Variants in CHRD observed in about 807,000 individuals in gnomAD.
The protein encoded by CHRD is chordin.
In CHRD, 69 loss-of-function variants were observed where a neutral mutation model predicts 113.7. The ratio of observed to expected loss-of-function variants is 0.61; its 90% CI spans 0.50 to 0.74. The LOEUF (loss-of-function observed/expected upper bound fraction) is 0.74. CHRD is among the 30% of genes least tolerant of loss of function. The probability of loss-of-function intolerance (pLI) is 0.00; values close to 1 mark genes in which losing one functional copy is unlikely to be tolerated. For missense variants in CHRD, 1,194 were observed against 1,295.8 expected (o/e 0.92, Z 1.21); for synonymous variants, 561 against 540.8 (o/e 1.04, Z -0.52).
chr3:184,386,811 A>C, intron 16 of CHRD, 34 bp from the exon 17 acceptor site: 1 of 1,613,878 alleles, frequency 6.2e-7, no homozygotes, highest in South Asian at 1.1e-5. Context: ...AGGGGCCTGG[A>C]CACTCCCGTC....
chr3:184,389,618 C>T (rs1716901702), exon 23 of CHRD: 2 of 579,016 alleles, frequency 3.5e-6, no homozygotes, highest in Non-Finnish European at 6.2e-6. Flanking sequence ...ACCGAGGTCA[C>T]AGCCACTCCA....
Position 184,380,586 on chromosome 3 carries a change from G to A in CHRD, c.149-106G>A. ...GCGGCGGGCGGCCCGGAGGGTGGGC[G>A]GGGGCAGAAGGGCGCGGTGCCTGGG... On this transcript the variant is annotated intron_variant, in intron 1 of 22. Coordinates refer to ENST00000204604, the Ensembl canonical transcript of CHRD. The surrounding 1 kb of genome is among the most constrained non-coding windows in gnomAD (Gnocchi z 6.3). The A allele has an allele frequency of 9.6e-7, 1 of 1,039,622 alleles. No individual in the cohort carries two copies. Among genetic ancestry groups the A allele is most frequent in the Non-Finnish European group, 1.2e-6 (1 of 823,710 alleles). 64.4% of individuals were successfully genotyped at this position (1,039,622 alleles called of 1,614,324 possible). A position where few individuals can be genotyped will look rare whatever the true frequency, so the allele number is the denominator to read the frequency against.
At position 184,381,443 on chromosome 3, in the gene CHRD, C is replaced by T. The variant is rs1329661767; in HGVS notation, c.383-53C>T. On this transcript the variant is annotated intron_variant, in intron 3 of 22. Coordinates refer to ENST00000204604, the Ensembl canonical transcript of CHRD. This position sits in a 1 kb window ranked among gnomAD's most constrained non-coding sequence, Gnocchi z 4.7. ...CGGGCCACTTGGATGGGGCGTCGGA[C>T]TGGCCTTTCCCATGGCCAGCTGAAG... The T allele has an allele frequency of 8.8e-6, 14 of 1,595,134 alleles. No homozygotes were observed. Among genetic ancestry groups the T allele is most frequent in the Non-Finnish European group, 1.2e-5 (14 of 1,171,058 alleles).
chr3:184,389,885 A>G (rs945522457), downstream of CHRD: 6 of 160,564 alleles, frequency 3.7e-5, no homozygotes, highest in Non-Finnish European at 5.5e-5. Context: ...CCTGGTGGAG[A>G]AGGGGCAGAG....
In CHRD at chr3:184,380,912, A is replaced by G. The variant is rs551966180; in HGVS notation, c.252+117A>G. The G allele has an allele frequency of 9.6e-6, 8 of 832,584 alleles. 1 individual carries two copies. Among genetic ancestry groups the G allele is most frequent in the African/African-American group, 6.7e-5 (4 of 59,544 alleles). 51.6% of individuals were successfully genotyped at this position (832,584 alleles called of 1,614,324 possible). A position where few individuals can be genotyped will look rare whatever the true frequency, so the allele number is the denominator to read the frequency against. ...AGCCCAGTCGGCAGATGTTGGGGAT[A>G]TTTTTCTGGTGGAGGAAGGGGAATC... On this transcript the variant is annotated intron_variant, in intron 2 of 22. Transcript: ENST00000204604. This position sits in a 1 kb window ranked among gnomAD's most constrained non-coding sequence, Gnocchi z 6.3.
rs567606357 is a variant in CHRD at position 184,381,420 on chromosome 3, G to A, written c.382+56G>A. 21 of 1,599,124 alleles carry A rather than the reference G, an allele frequency of 1.3e-5. No homozygotes were observed. The South Asian group carries it at 2.3e-4, about 18-fold the overall frequency. ...GGCAGGGCCACGATACTAGGTCCCG[G>A]GCCACTTGGATGGGGCGTCGGACTG... is the stretch of plus-strand genomic sequence containing the variant. On this transcript the variant is annotated intron_variant, in intron 3 of 22. Transcript: ENST00000204604. The surrounding 1 kb of genome is among the most constrained non-coding windows in gnomAD (Gnocchi z 4.7).
chr3:184,389,722 T>C (rs531542873), exon 23 of CHRD: 5 of 357,510 alleles, frequency 1.4e-5, no homozygotes, highest in African/African-American at 6.1e-5. Context: ...TTTTAATTTA[T>C]CTTCACTCAG....
rs1715964715 is a variant in CHRD at position 184,384,434 on chromosome 3, T to G, written c.1441-103T>G. On this transcript the variant is annotated intron_variant, in intron 12 of 22. Transcript: ENST00000204604. This position sits in a 1 kb window ranked among gnomAD's most constrained non-coding sequence, Gnocchi z 4.4. Reference sequence around the variant, plus strand: ...AGGTCCTTATCCTGTGTTTCTGGTGTGTGGAAGTGTGTGTGGGTGGAGTGG... The same window carrying G: ...AGGTCCTTATCCTGTGTTTCTGGTGGGTGGAAGTGTGTGTGGGTGGAGTGG... 2 of 1,280,990 alleles carry G rather than the reference T, an allele frequency of 1.6e-6. No homozygotes were observed. The highest frequency in any genetic ancestry group is 2.0e-6 in the Non-Finnish European group (2 of 991,560). The allele number at this position is 1,280,990 out of a possible 1,614,324, so 79.4% of individuals were successfully genotyped here.
Position 184,380,259 on chromosome 3 carries a change from T to C in CHRD, c.-60T>C, listed in dbSNP as rs1278826093. ...TCCGCCCTCCGCACTCCCGCCTCCCTCCCTCCGCCCGCTCCCGCGCCCTCC... is the reference window on the plus strand; with the variant it reads ...TCCGCCCTCCGCACTCCCGCCTCCCCCCCTCCGCCCGCTCCCGCGCCCTCC... On this transcript the variant is annotated 5_prime_UTR_variant, in exon 1 of 23. Transcript: ENST00000204604. The surrounding 1 kb of genome is among the most constrained non-coding windows in gnomAD (Gnocchi z 6.3). The C allele has an allele frequency of 3.3e-4, 50 of 149,522 alleles. No individual in the cohort carries two copies. The Middle Eastern group carries it at 0.012, about 36-fold the overall frequency. The allele number at this position is 149,522 out of a possible 1,614,324, so 9.3% of individuals were successfully genotyped here.
At position 184,384,460 on chromosome 3, in the gene CHRD, G is replaced by A. The variant is rs1715968811; in HGVS notation, c.1441-77G>A. On this transcript the variant is annotated intron_variant, in intron 12 of 22. Coordinates refer to ENST00000204604, the Ensembl canonical transcript of CHRD. This position sits in a 1 kb window ranked among gnomAD's most constrained non-coding sequence, Gnocchi z 4.4. ...GTGGAAGTGTGTGTGGGTGGAGTGG[G>A]GGCACAAAATGGTCCAAGACTTCAG... The A allele has an allele frequency of 1.5e-6, 2 of 1,365,618 alleles. No individual in the cohort carries two copies. Among genetic ancestry groups the A allele is most frequent in the East Asian group, 2.6e-5 (1 of 37,930 alleles). The allele number at this position is 1,365,618 out of a possible 1,614,324, so 84.6% of individuals were successfully genotyped here.
Position 184,384,054 on chromosome 3 carries a change from C to T in CHRD, c.1440+412C>T, listed in dbSNP as rs758368406. Among the ~76,000 whole-genome samples, 3 of 152,098 alleles carry T rather than the reference C, an allele frequency of 2.0e-5. No homozygotes were observed. The highest frequency in any genetic ancestry group is 2.1e-4 in the South Asian group (1 of 4,828). On this transcript the variant is annotated intron_variant, in intron 12 of 22. Coordinates refer to ENST00000204604, the Ensembl canonical transcript of CHRD. The surrounding 1 kb of genome is among the most constrained non-coding windows in gnomAD (Gnocchi z 4.4). Reference sequence around the variant, plus strand: ...CCTCCCAAAGTGCTGGGATTACAGGCGAGAGCCACCGTGCCCGGCATGATT... The same window carrying T: ...CCTCCCAAAGTGCTGGGATTACAGGTGAGAGCCACCGTGCCCGGCATGATT...
chr3:184,380,883 A>G lies in CHRD; in HGVS notation c.252+88A>G. The G allele has an allele frequency of 9.8e-7, 1 of 1,019,002 alleles. No individual in the cohort carries two copies. The highest frequency in any genetic ancestry group is 1.4e-6 in the Non-Finnish European group (1 of 691,446). 63.1% of individuals were successfully genotyped at this position (1,019,002 alleles called of 1,614,324 possible). Reference sequence around the variant, plus strand: ...TCGGAGTGGACTCGGAGCTGCTGAGAAGGAGCCCAGTCGGCAGATGTTGGG... The same window carrying G: ...TCGGAGTGGACTCGGAGCTGCTGAGGAGGAGCCCAGTCGGCAGATGTTGGG... On this transcript the variant is annotated intron_variant, in intron 2 of 22. Coordinates refer to ENST00000204604, the Ensembl canonical transcript of CHRD. This position sits in a 1 kb window ranked among gnomAD's most constrained non-coding sequence, Gnocchi z 6.3.
chr3:184,380,346 C>G lies in CHRD; in HGVS notation c.28C>G (p.Pro10Ala). The G allele has an allele frequency of 5.9e-6, 8 of 1,358,170 alleles. No individual in the cohort carries two copies. In the South Asian group the frequency reaches 1.2e-4, roughly 20 times the overall value. The allele number at this position is 1,358,170 out of a possible 1,614,324, so 84.1% of individuals were successfully genotyped here. ...GCCGAGCCTCCCGGCCCCGCCGGCCCCGCTGCTGCTCCTCGGGCTGCTGCT... is the reference window on the plus strand; with the variant it reads ...GCCGAGCCTCCCGGCCCCGCCGGCCGCGCTGCTGCTCCTCGGGCTGCTGCT... Residue 10 changes from proline (P) to alanine (A), a missense_variant, in exon 1 of 23, where the codon CCG becomes GCG. Pro to Ala is a conservative substitution (Grantham distance 27, BLOSUM62 -1). Coordinates refer to ENST00000204604, the Ensembl canonical transcript of CHRD. This position sits in a 1 kb window ranked among gnomAD's most constrained non-coding sequence, Gnocchi z 6.3.
In CHRD at chr3:184,388,844, G is replaced by C; in HGVS notation, c.2710-49G>C. The C allele has an allele frequency of 6.2e-7, 1 of 1,605,378 alleles. No individual in the cohort carries two copies. The highest frequency in any genetic ancestry group is 8.5e-7 in the Non-Finnish European group (1 of 1,173,230). Reference sequence around the variant, plus strand: ...CCCTGAAGAAGCTGAAGGTCACTGTGTCCCAGTGCCTCTGGGGGACACTCA... The same window carrying C: ...CCCTGAAGAAGCTGAAGGTCACTGTCTCCCAGTGCCTCTGGGGGACACTCA... On this transcript the variant is annotated intron_variant, in intron 21 of 22. Transcript: ENST00000204604. The surrounding 1 kb of genome is among the most constrained non-coding windows in gnomAD (Gnocchi z 6.1).
At chr3:184,386,590 T>C in exon 16 of CHRD, 1 of 1,596,268 alleles carries the variant, frequency 6.3e-7, no homozygotes, top group Non-Finnish European at 8.5e-7. Flanking sequence ...CAGCCTCTGC[T>C]GCGCCGCCTG....
At position 184,387,179 on chromosome 3, in the gene CHRD, G is replaced by T; in HGVS notation, c.2347+72G>T. On this transcript the variant is annotated intron_variant, in intron 18 of 22. Transcript: ENST00000204604. The surrounding 1 kb of genome is among the most constrained non-coding windows in gnomAD (Gnocchi z 6.1). ...TTAGGTTGAACCAGGAGGGGGACAA[G>T]AAGGGGAGAGTATATAGGGGGTGGC... is the stretch of plus-strand genomic sequence containing the variant. 1 of 1,455,704 alleles carries T rather than the reference G, an allele frequency of 6.9e-7. No homozygotes were observed. Among genetic ancestry groups the T allele is most frequent in the South Asian group, 1.1e-5 (1 of 87,454 alleles). The allele number at this position is 1,455,704 out of a possible 1,614,324, so 90.2% of individuals were successfully genotyped here. A position where few individuals can be genotyped will look rare whatever the true frequency, so the allele number is the denominator to read the frequency against.
In CHRD at chr3:184,387,516, G is replaced by A. The variant is rs1264652031; in HGVS notation, c.2451+39G>A. ...ATCTTCTCTGGTGCCATAACCCAGC[G>A]GGGTCTGCAGAGATGGGGAGGGGCT... On this transcript the variant is annotated intron_variant, in intron 19 of 22. Transcript: ENST00000204604. This position sits in a 1 kb window ranked among gnomAD's most constrained non-coding sequence, Gnocchi z 6.1. 9.1e-6 allele frequency: 14 copies of A among 1,538,998 alleles called. No homozygotes were observed. Among genetic ancestry groups the A allele is most frequent in the South Asian group, 7.5e-5 (6 of 79,544 alleles).
chr3:184,380,454 C>A lies in CHRD; in HGVS notation c.136C>A (p.Arg46=). Reference sequence around the variant, plus strand: ...TTCTGAGAAGGAGCCGCTGCCCGTTCGGGGAGCGGCAGGTAGGTGGGCGCC... The same window carrying A: ...TTCTGAGAAGGAGCCGCTGCCCGTTAGGGGAGCGGCAGGTAGGTGGGCGCC... The change falls in exon 1 of 23, where the codon CGG becomes AGG. Residue 46 remains arginine (R), a synonymous_variant. Coordinates refer to ENST00000204604, the Ensembl canonical transcript of CHRD. The surrounding 1 kb of genome is among the most constrained non-coding windows in gnomAD (Gnocchi z 6.3). 1 of 1,196,696 alleles carries A rather than the reference C, an allele frequency of 8.4e-7. No homozygotes were observed. The highest frequency in any genetic ancestry group is 1.6e-5 in the African/African-American group (1 of 61,214). 74.1% of individuals were successfully genotyped at this position (1,196,696 alleles called of 1,614,324 possible).
At position 184,387,520 on chromosome 3, in the gene CHRD, T is replaced by C. The variant is rs760134668; in HGVS notation, c.2451+43T>C. The C allele has an allele frequency of 2.6e-6, 4 of 1,527,646 alleles. No homozygotes were observed. In the African/African-American group the frequency reaches 5.5e-5, roughly 21 times the overall value. The allele number at this position is 1,527,646 out of a possible 1,614,324, so 94.6% of individuals were successfully genotyped here. A position where few individuals can be genotyped will look rare whatever the true frequency, so the allele number is the denominator to read the frequency against. On this transcript the variant is annotated intron_variant, in intron 19 of 22. Transcript: ENST00000204604. The surrounding 1 kb of genome is among the most constrained non-coding windows in gnomAD (Gnocchi z 6.1). ...TCTCTGGTGCCATAACCCAGCGGGGTCTGCAGAGATGGGGAGGGGCTGCCA... is the reference window on the plus strand; with the variant it reads ...TCTCTGGTGCCATAACCCAGCGGGGCCTGCAGAGATGGGGAGGGGCTGCCA...
Sources: gnomAD v4.1 joint callset for allele counts (sites outside exome capture counted in the v4.1 genomes callset) on GRCh38, gnomAD v4.1.1 for gene constraint, Gnocchi (gnomAD v3.1) non-coding constraint, MANE v1.5 for transcripts, NCBI Gene and HGNC (gene_info 2026-07-23, HGNC 2026-07-21) for gene names.